TPST1: variants seen among roughly 807,000 people sequenced by gnomAD.
TPST1 encodes protein-tyrosine sulfotransferase 1.
In TPST1, 20 loss-of-function variants were observed where a neutral mutation model predicts 34.8. The observed-to-expected ratio is 0.57, with a 90% CI of 0.40 to 0.84. The LOEUF is 0.84. TPST1 is among the 40% of genes least tolerant of loss of function. The pLI, the probability that TPST1 is intolerant of heterozygous loss-of-function variation, is 0.00. For missense variants in TPST1, 353 were observed against 455.5 expected (o/e 0.78, Z 2.05); for synonymous variants, 152 against 159.4 (o/e 0.95, Z 0.35).
At chr7:66,272,237 A>G (rs2115810595) in intron 2 of TPST1, among the ~76,000 whole-genome samples, 1 of 152,352 alleles carries the variant, frequency 6.6e-6, no homozygotes, top group South Asian at 2.1e-4. Context: ...TTAGGAAACA[A>G]AATTCATCAG....
chr7:66,339,833 T>A (rs370922759), intron 3 of TPST1, among the ~76,000 whole-genome samples: 200 of 112,346 alleles, frequency 1.8e-3, no homozygotes, highest in African/African-American at 2.0e-3. Flanking sequence ...CCCCTCAACC[T>A]AAAAAAAAAA....
At chr7:66,245,205 C>G (rs1790122347) in intron 2 of TPST1, among the ~76,000 whole-genome samples, 1 of 152,062 alleles carries the variant, frequency 6.6e-6, no homozygotes, top group South Asian at 2.1e-4. Context: ...AGGCATGAGG[C>G]AGTGTTTATT....
At chr7:66,235,357 G>A (rs1789890893) in intron 1 of TPST1, among the ~76,000 whole-genome samples, 1 of 151,478 alleles carries the variant, frequency 6.6e-6, no homozygotes, top group Admixed American at 6.6e-5. Context: ...TTTTTTCTTT[G>A]CAGTTTTTTC....
intron 2 of TPST1, among the ~76,000 whole-genome samples, chr7:66,252,431 C>T (rs1276115000): frequency 1.3e-5 from 2 of 148,962 alleles, no homozygotes; most frequent in Non-Finnish European, 3.0e-5. Flanking sequence ...TCTCTGCCCA[C>T]TGCAAGCTCA....
chr7:66,227,523 A>T (rs1789684804), intron 1 of TPST1, among the ~76,000 whole-genome samples: 1 of 152,060 alleles, frequency 6.6e-6, no homozygotes, highest in African/African-American at 2.4e-5. Context: ...CCTGGATATC[A>T]GCAATCCTCC....
Position 66,300,517 on chromosome 7 carries a change from G to T in TPST1, c.1044+13808G>T, listed in dbSNP as rs571570413. 9.2e-5 allele frequency among the ~76,000 whole-genome samples: 14 copies of T among 152,262 alleles called. No homozygotes were observed. The South Asian group carries it at 2.5e-3, about 27-fold the overall frequency. ...CATTGAAATTTTGACCTCCTCCCAT[G>T]AATTACGAATGTTCTTAATGGCATC... On this transcript the variant is annotated intron_variant, in intron 3 of 5. Coordinates refer to ENST00000304842, the MANE Select transcript of TPST1 (RefSeq NM_003596.4).
Position 66,240,514 on chromosome 7 carries a change from A to G in TPST1, c.89A>G (p.Glu30Gly). The change falls in exon 2 of 6, where the codon GAA (glutamate) becomes GGA (glycine). Residue 30 changes from glutamate to glycine, a missense_variant. Transcript: ENST00000304842. ...TTTTACCTGGGCCAGCATGCCATGGAATGCCATCACCGGATAGAGGAACGT... is the reference window on the plus strand; with the variant it reads ...TTTTACCTGGGCCAGCATGCCATGGGATGCCATCACCGGATAGAGGAACGT... ...TVFYLGQHAM[E>G]CHHRIEERSQ... 6.2e-7 allele frequency: 1 copy of G among 1,614,230 alleles called. No homozygotes were observed. The highest frequency in any genetic ancestry group is 8.5e-7 in the Non-Finnish European group (1 of 1,180,046).
intron 3 of TPST1, among the ~76,000 whole-genome samples, chr7:66,313,237 A>C (rs898054496): frequency 1.3e-5 from 2 of 152,056 alleles, no homozygotes; most frequent in Non-Finnish European, 2.9e-5. Context: ...AACATGGTGA[A>C]ACCCTGAATC....
chr7:66,323,961 T>A (rs1240783578), intron 3 of TPST1, among the ~76,000 whole-genome samples: 2 of 152,216 alleles, frequency 1.3e-5, no homozygotes, highest in Non-Finnish European at 2.9e-5. Flanking sequence ...GCAGCACTAT[T>A]CACAACAGTC....
intron 3 of TPST1, among the ~76,000 whole-genome samples, chr7:66,293,138 A>G (rs1314664296): frequency 1.3e-5 from 2 of 151,492 alleles, no homozygotes; most frequent in Non-Finnish European, 2.9e-5. Context: ...CCCGGGAGGC[A>G]GAGCTTGCAG....
chr7:66,241,316 T>G, intron 2 of TPST1, 46 bp downstream of exon 2: 1 of 1,551,780 alleles, frequency 6.4e-7, no homozygotes, highest in Non-Finnish European at 8.7e-7. Context: ...ATTTAGCTAA[T>G]AATGATCTAT....
At chr7:66,317,028 T>G (rs940296302) in intron 3 of TPST1, among the ~76,000 whole-genome samples, 10 of 151,954 alleles carry the variant, frequency 6.6e-5, no homozygotes, top group African/African-American at 2.4e-4. Flanking sequence ...ATGACATGAG[T>G]TTACCTATAG....
intron 2 of TPST1, among the ~76,000 whole-genome samples, chr7:66,267,885 A>C (rs1412449646): frequency 6.6e-6 from 1 of 152,120 alleles, no homozygotes; most frequent in East Asian, 1.9e-4. Flanking sequence ...TGTAGCAATG[A>C]GGTTAGATTA....
intron 2 of TPST1, among the ~76,000 whole-genome samples, chr7:66,254,529 G>T (rs1024137542): frequency 2.0e-5 from 3 of 151,868 alleles, no homozygotes; most frequent in Admixed American, 6.6e-5. Context: ...TCAGCCTCCC[G>T]AGTCGCTGGG....
At chr7:66,337,718 G>C (rs78109750) in intron 3 of TPST1, among the ~76,000 whole-genome samples, 23 of 152,136 alleles carry the variant, frequency 1.5e-4, no homozygotes, top group Non-Finnish European at 3.4e-4. Context: ...GGCAATGGCG[G>C]TGTTAAAGTA....
At chr7:66,352,900 G>T (rs1471053705) in intron 4 of TPST1, 15 of 985,292 alleles carry the variant, frequency 1.5e-5, no homozygotes, top group Admixed American at 6.2e-5. Context: ...AAAATGTTCA[G>T]CGACCCTCTC....
rs116773913 is a variant in TPST1 at position 66,314,198 on chromosome 7, G to A, written c.1044+27489G>A. On this transcript the variant is annotated intron_variant, in intron 3 of 5. Coordinates refer to ENST00000304842, the MANE Select transcript of TPST1 (RefSeq NM_003596.4). ...GATCTCATGGTAAATGTGTTTTTTC[G>A]GTGTCTCCACTCTATGGTTACTTTT... Among the ~76,000 whole-genome samples the A allele has an allele frequency of 3.9e-3, 592 of 152,108 alleles. 4 individuals are homozygous for A. Among genetic ancestry groups the A allele is most frequent in the African/African-American group, 0.013 (558 of 41,504 alleles).
chr7:66,353,983 T>A (rs1206354427), intron 4 of TPST1, among the ~76,000 whole-genome samples: 1 of 152,196 alleles, frequency 6.6e-6, no homozygotes, highest in East Asian at 1.9e-4. Context: ...ATGACTTGAG[T>A]GTTTCAAAGT....
chr7:66,255,632 A>G (rs1662288412), intron 2 of TPST1, among the ~76,000 whole-genome samples: 1 of 152,224 alleles, frequency 6.6e-6, no homozygotes, highest in African/African-American at 2.4e-5. Context: ...AGAATACCCA[A>G]AAAATCCTTC....
Sources: allele counts gnomAD v4.1 joint callset (sites outside exome capture counted in the v4.1 genomes callset), GRCh38; gene constraint gnomAD v4.1.1; transcripts MANE v1.5; gene names NCBI Gene and HGNC (gene_info 2026-07-23, HGNC 2026-07-21).